Variants in QNG1 observed in about 807,000 individuals in gnomAD.
QNG1 encodes the protein queuosine 5'-phosphate N-glycosylase/hydrolase.
At chr9:83,952,348 T>C in the QNG1 span, among the ~76,000 whole-genome samples, 1 of 152,216 alleles carries the variant, frequency 6.6e-6, no homozygotes, top group Non-Finnish European at 1.5e-5. Flanking sequence ...ATGGTTTCTG[T>C]ACCAATTTTC....
At chr9:83,953,604 C>G in the QNG1 span, 2 of 507,072 alleles carry the variant, frequency 3.9e-6, no homozygotes, top group Admixed American at 3.5e-5. Context: ...CCTTGGCCCC[C>G]CAAAGTGCTG....
At chr9:83,944,942 A>C in the QNG1 span, 2 of 1,613,294 alleles carry the variant, frequency 1.2e-6, no homozygotes, top group South Asian at 2.2e-5. Flanking sequence ...CACTCCACGT[A>C]TCTGCTACAA....
chr9:83,948,472 A>C, the QNG1 span, among the ~76,000 whole-genome samples: 1 of 133,222 alleles, frequency 7.5e-6, no homozygotes, highest in Non-Finnish European at 1.6e-5. Flanking sequence ...TCGGGGAGGG[A>C]GGTGGGGGGC....
the QNG1 span, among the ~76,000 whole-genome samples, chr9:83,945,146 G>A: frequency 1.3e-5 from 2 of 152,066 alleles, no homozygotes; most frequent in African/African-American, 2.4e-5. Flanking sequence ...GCTCCCGCCT[G>A]TAATCCCAGC....
chr9:83,953,428 AC>A, the QNG1 span, among the ~76,000 whole-genome samples: 1 of 150,340 alleles, frequency 6.7e-6, no homozygotes, highest in Non-Finnish European at 1.5e-5. Flanking sequence ...GCTCACTGCA[AC>A]CTTCAGCTCC....
chr9:83,944,888 A>G, the QNG1 span: 2 of 1,613,774 alleles, frequency 1.2e-6, no homozygotes, highest in South Asian at 2.2e-5. Context: ...ACATGGTGAT[A>G]CTGGAGATGT....
At chr9:83,949,578 C>T in the QNG1 span, among the ~76,000 whole-genome samples, 5 of 152,060 alleles carry the variant, frequency 3.3e-5, no homozygotes, top group East Asian at 9.7e-4. Flanking sequence ...CCCGGGAGGC[C>T]GAAGTTGTGA....
the QNG1 span, among the ~76,000 whole-genome samples, chr9:83,947,528 C>T: frequency 3.3e-5 from 5 of 152,358 alleles, no homozygotes; most frequent in African/African-American, 4.8e-5. Context: ...CCCTCTCCCT[C>T]GTCTCCCACT....
At chr9:83,939,743 C>T in the QNG1 span, 1 of 1,610,238 alleles carries the variant, frequency 6.2e-7, no homozygotes, top group Non-Finnish European at 8.5e-7. Context: ...GAGCATTTCT[C>T]CTGCAAGGGG....
At chr9:83,944,699 C>T in the QNG1 span, 1 of 939,194 alleles carries the variant, frequency 1.1e-6, no homozygotes. Context: ...ATAAATAGTA[C>T]TTTTTTTTTA....
chr9:83,939,635 C>T, the QNG1 span: 2 of 1,614,144 alleles, frequency 1.2e-6, no homozygotes, highest in South Asian at 1.1e-5. Flanking sequence ...AGGTTTTTCA[C>T]CCTTTTGTTC....
chr9:83,939,044 T>C, the QNG1 span: 1 of 172,990 alleles, frequency 5.8e-6, no homozygotes, highest in African/African-American at 2.4e-5. Context: ...CCACCACATC[T>C]GGCCTAGGAA....
chr9:83,954,879 C>CAAA, the QNG1 span, among the ~76,000 whole-genome samples: 20 of 47,032 alleles, frequency 4.3e-4, no homozygotes, highest in Non-Finnish European at 6.6e-4. Context: ...GAGTCCATCT[C>CAAA]AAAAAAAAAA....
the QNG1 span, among the ~76,000 whole-genome samples, chr9:83,951,177 G>A: frequency 1.3e-5 from 2 of 152,124 alleles, no homozygotes; most frequent in Non-Finnish European, 2.9e-5. Flanking sequence ...AGCTGAGGTG[G>A]GAGAATCGCT....
At chr9:83,953,605 C>T in the QNG1 span, 1 of 510,014 alleles carries the variant, frequency 2.0e-6, no homozygotes. Context: ...CTTGGCCCCC[C>T]AAAGTGCTGG....
At chr9:83,952,655 C>A in the QNG1 span, among the ~76,000 whole-genome samples, 1 of 151,914 alleles carries the variant, frequency 6.6e-6, no homozygotes. Flanking sequence ...ATTAGCCGCG[C>A]GTGGTGGCGG....
At chr9:83,945,991 T>G in the QNG1 span, among the ~76,000 whole-genome samples, 24 of 152,162 alleles carry the variant, frequency 1.6e-4, 1 homozygote, top group South Asian at 5.0e-3. Flanking sequence ...TGCAATATAA[T>G]TCACATTAAT....
chr9:83,954,317 G>T, the QNG1 span, among the ~76,000 whole-genome samples: 3 of 151,936 alleles, frequency 2.0e-5, no homozygotes, highest in Admixed American at 2.0e-4. Flanking sequence ...AGGGTTCCAT[G>T]TTTTTTAGGT....
chr9:83,948,150 C>A, the QNG1 span, among the ~76,000 whole-genome samples: 1 of 150,012 alleles, frequency 6.7e-6, no homozygotes, highest in African/African-American at 2.5e-5. Context: ...TGAGGAGCGC[C>A]TCTGTCCGGC....
Sources: allele counts gnomAD v4.1 joint callset (sites outside exome capture counted in the v4.1 genomes callset), GRCh38; gene constraint gnomAD v4.1.1; transcripts MANE v1.5; gene names NCBI Gene and HGNC (gene_info 2026-07-23, HGNC 2026-07-21).